SGCZ: variants seen among roughly 807,000 people sequenced by gnomAD.
SGCZ encodes sarcoglycan zeta.
A neutral mutation model predicts 41.3 loss-of-function variants in SGCZ; 40 were observed. The ratio of observed to expected loss-of-function variants is 0.97; its 90% CI spans 0.75 to 1.26. SGCZ has a LOEUF of 1.26. Ranked by LOEUF, SGCZ falls within the 50% of genes most tolerant of loss-of-function variation. The pLI is 0.00. For missense variants in SGCZ, 552 were observed against 369.8 expected, an observed-to-expected ratio of 1.49 and a Z score of -4.04; for synonymous variants, 206 against 137.5, an observed-to-expected ratio of 1.50 and a Z score of -3.49.
chr8:14,251,646 T>A (rs1013568166), intron 3 of SGCZ, among the ~76,000 whole-genome samples: 82 of 152,350 alleles, frequency 5.4e-4, no homozygotes, highest in African/African-American at 1.9e-3. Context: ...ATTCTAGTAT[T>A]ATATAAAAAC....
intron 1 of SGCZ, among the ~76,000 whole-genome samples, chr8:15,152,227 C>T (rs1714100835): frequency 6.6e-6 from 1 of 152,048 alleles, no homozygotes; most frequent in Non-Finnish European, 1.5e-5. Context: ...AAACAGGTTC[C>T]TTTACTAAGA....
chr8:14,220,386 A>G (rs1806151093), intron 4 of SGCZ, among the ~76,000 whole-genome samples: 1 of 152,184 alleles, frequency 6.6e-6, no homozygotes, highest in Non-Finnish European at 1.5e-5. Context: ...TACACTTCAA[A>G]AATCAAATAA....
At chr8:14,342,850 G>T (rs991133773) in intron 2 of SGCZ, among the ~76,000 whole-genome samples, 3 of 152,328 alleles carry the variant, frequency 2.0e-5, no homozygotes, top group Middle Eastern at 6.8e-3. Flanking sequence ...ATTATCTCCA[G>T]GCCATGACAG....
At chr8:14,874,544 TA>T (rs2130709628) in intron 1 of SGCZ, among the ~76,000 whole-genome samples, 1 of 152,288 alleles carries the variant, frequency 6.6e-6, no homozygotes, top group South Asian at 2.1e-4. Flanking sequence ...TTAATATGAT[TA>T]AAATGATTTA....
chr8:14,510,097 A>G (rs1363017847), intron 2 of SGCZ, among the ~76,000 whole-genome samples: 1 of 152,168 alleles, frequency 6.6e-6, no homozygotes, highest in Admixed American at 6.6e-5. Flanking sequence ...GCAATGAAGA[A>G]GGCAGAACAA....
At chr8:15,237,427 C>G (rs1447449266) in intron 1 of SGCZ, among the ~76,000 whole-genome samples, 158 bp downstream of exon 1, 1 of 152,200 alleles carries the variant, frequency 6.6e-6, no homozygotes, top group Non-Finnish European at 1.5e-5. Flanking sequence ...TCGGCCCCAG[C>G]AGGGGCGCCT....
chr8:14,608,167 T>C (rs571155638), intron 1 of SGCZ, among the ~76,000 whole-genome samples: 17 of 151,240 alleles, frequency 1.1e-4, no homozygotes, highest in Non-Finnish European at 1.9e-4. Flanking sequence ...TTTTTAAAAA[T>C]GAAGCGCCAA....
intron 3 of SGCZ, among the ~76,000 whole-genome samples, chr8:14,291,841 C>G (rs1800850764): frequency 6.6e-6 from 1 of 151,864 alleles, no homozygotes; most frequent in African/African-American, 2.4e-5. Context: ...AAATTCAAGT[C>G]AACTCTATCT....
chr8:15,003,531 G>C (rs1426792884), intron 1 of SGCZ, among the ~76,000 whole-genome samples: 1 of 152,114 alleles, frequency 6.6e-6, no homozygotes, highest in Admixed American at 6.6e-5. Context: ...AAATAAGTTA[G>C]TCAAACCATA....
In SGCZ at chr8:14,087,810, G is replaced by T. The variant is rs1227955222; in HGVS notation, c.*2633C>A. The stretch of plus-strand genomic sequence containing the variant: ...TTCACAATAGGCTTGATCTCTCTGA[G>T]GCAGGGATCTTGGCTTAGATTCAGA... On this transcript the variant is annotated 3_prime_UTR_variant, in exon 8 of 8. Coordinates refer to ENST00000382080, the MANE Select transcript of SGCZ (RefSeq NM_139167.4). Among the ~76,000 whole-genome samples, 1 of 151,642 alleles carries T rather than the reference G, an allele frequency of 6.6e-6. No homozygotes were observed. The highest frequency in any genetic ancestry group is 1.5e-5 in the Non-Finnish European group (1 of 67,754).
intron 1 of SGCZ, among the ~76,000 whole-genome samples, chr8:14,699,230 T>C (rs1455659365): frequency 6.7e-6 from 1 of 149,554 alleles, no homozygotes; most frequent in African/African-American, 2.4e-5. Context: ...TATATAAATC[T>C]CATATATATA....
At chr8:14,468,087 A>C (rs1801103075) in intron 2 of SGCZ, among the ~76,000 whole-genome samples, 1 of 152,014 alleles carries the variant, frequency 6.6e-6, no homozygotes, top group Non-Finnish European at 1.5e-5. Context: ...TTTCACTTAC[A>C]TTTTTTCAAA....
At chr8:14,667,526 T>C (rs185148784) in intron 1 of SGCZ, among the ~76,000 whole-genome samples, 1 of 152,118 alleles carries the variant, frequency 6.6e-6, no homozygotes, top group East Asian at 1.9e-4. Context: ...AAAAATACAG[T>C]CATAAAATAC....
intron 1 of SGCZ, among the ~76,000 whole-genome samples, chr8:15,023,144 G>C (rs576645795): frequency 2.4e-4 from 36 of 152,158 alleles, no homozygotes; most frequent in Non-Finnish European, 4.9e-4. Flanking sequence ...TGGAAAATCA[G>C]ATAATCACGC....
intron 3 of SGCZ, among the ~76,000 whole-genome samples, chr8:14,257,244 T>C (rs1203806814): frequency 1.3e-5 from 2 of 151,920 alleles, no homozygotes; most frequent in South Asian, 4.2e-4. Flanking sequence ...GGAGGATCAC[T>C]TGCTTGATCC....
At chr8:14,305,097 G>T (rs1801308725) in intron 3 of SGCZ, among the ~76,000 whole-genome samples, 2 of 152,066 alleles carry the variant, frequency 1.3e-5, no homozygotes, top group African/African-American at 4.8e-5. Flanking sequence ...TGTAAAGATG[G>T]TAGATAAAAT....
At chr8:14,731,917 T>C (rs1810250803) in intron 1 of SGCZ, among the ~76,000 whole-genome samples, 1 of 152,154 alleles carries the variant, frequency 6.6e-6, no homozygotes, top group Non-Finnish European at 1.5e-5. Context: ...ATCATGTTAA[T>C]AACCTTACAT....
At chr8:14,971,501 T>A (rs796584362) in intron 1 of SGCZ, among the ~76,000 whole-genome samples, 3 of 152,104 alleles carry the variant, frequency 2.0e-5, no homozygotes, top group African/African-American at 7.2e-5. Flanking sequence ...ATTTTGTCAA[T>A]GCTTTTTCTG....
At chr8:15,177,169 T>C (rs540993375) in intron 1 of SGCZ, among the ~76,000 whole-genome samples, 8 of 152,272 alleles carry the variant, frequency 5.3e-5, no homozygotes, top group East Asian at 3.9e-4. Flanking sequence ...ATATCAGCCA[T>C]AGTTGAAATC....
Sources: allele counts gnomAD v4.1 joint callset (sites outside exome capture counted in the v4.1 genomes callset), GRCh38; gene constraint gnomAD v4.1.1; transcripts MANE v1.5; gene names NCBI Gene and HGNC (gene_info 2026-07-23, HGNC 2026-07-21).